Variants in CDH18 observed in about 807,000 individuals in gnomAD.
CDH18 encodes cadherin-18.
Under a neutral mutation model 67.9 loss-of-function variants are expected in CDH18, and 31 were observed. That is an observed-to-expected ratio of 0.46 (90% confidence interval 0.34 to 0.62). The LOEUF is 0.62. Among genes scored for constraint, CDH18 ranks in the 20% least tolerant of loss-of-function variants. The pLI, the probability that CDH18 is intolerant of heterozygous loss-of-function variation, is 0.01. For missense variants in CDH18, 890 were observed against 975.5 expected (o/e 0.91, Z 1.17); for synonymous variants, 362 against 347.2 (o/e 1.04, Z -0.48).
chr5:19,885,580 T>C (rs935351299), intron 2 of CDH18, among the ~76,000 whole-genome samples: 2 of 152,182 alleles, frequency 1.3e-5, no homozygotes, highest in Non-Finnish European at 2.9e-5. Context: ...ACAAGAGTTC[T>C]ACAGGGTCTT....
intron 1 of CDH18, among the ~76,000 whole-genome samples, chr5:20,299,792 A>G (rs1193379606): frequency 6.6e-6 from 1 of 150,590 alleles, no homozygotes; most frequent in Non-Finnish European, 1.5e-5. Context: ...TCAGAAGTGG[A>G]ATACTTGTGC....
intron 3 of CDH18, among the ~76,000 whole-genome samples, chr5:19,747,601 T>C (rs994346022): frequency 2.0e-5 from 3 of 151,926 alleles, no homozygotes; most frequent in African/African-American, 4.8e-5. Context: ...CTTGTGAAAA[T>C]AATATATTTG....
chr5:20,307,992 T>C (rs1736620488), intron 1 of CDH18, among the ~76,000 whole-genome samples: 1 of 152,010 alleles, frequency 6.6e-6, no homozygotes, highest in Non-Finnish European at 1.5e-5. Context: ...GTTAGCTAAA[T>C]TGTGTTTTTA....
At chr5:19,778,535 C>T (rs1263542663) in intron 3 of CDH18, among the ~76,000 whole-genome samples, 1 of 152,128 alleles carries the variant, frequency 6.6e-6, no homozygotes, top group Admixed American at 6.6e-5. Flanking sequence ...GATTTTATCT[C>T]TGTATCTCTG....
intron 2 of CDH18, among the ~76,000 whole-genome samples, chr5:20,175,407 G>A (rs1038358924): frequency 1.3e-5 from 2 of 152,046 alleles, no homozygotes; most frequent in African/African-American, 4.8e-5. Flanking sequence ...GGTTGATACT[G>A]TTACCTTTCC....
chr5:19,567,389 T>G (rs540194822), intron 8 of CDH18, among the ~76,000 whole-genome samples: 12 of 152,222 alleles, frequency 7.9e-5, no homozygotes, highest in African/African-American at 2.6e-4. Flanking sequence ...AAGACCGAAG[T>G]CAGGAAGCTT....
chr5:20,352,063 G>T (rs937412773), intron 1 of CDH18, among the ~76,000 whole-genome samples: 1 of 152,136 alleles, frequency 6.6e-6, no homozygotes. Context: ...CAAAAAATCT[G>T]CATCAATCAT....
At chr5:19,827,327 C>CA (rs70954605) in intron 3 of CDH18, among the ~76,000 whole-genome samples, 13,151 of 124,792 alleles carry the variant, frequency 0.11, 658 homozygotes, top group African/African-American at 0.15. Context: ...GTTATCAAGG[C>CA]AAAAAAAAAA....
At chr5:19,959,039 G>A (rs1032036812) in intron 2 of CDH18, among the ~76,000 whole-genome samples, 2 of 151,926 alleles carry the variant, frequency 1.3e-5, no homozygotes, top group East Asian at 1.9e-4. Context: ...AATGGTAAAC[G>A]TTTTTTAAAA....
At chr5:20,554,706 G>A (rs1353680215) in intron 1 of CDH18, among the ~76,000 whole-genome samples, 1 of 152,148 alleles carries the variant, frequency 6.6e-6, no homozygotes, top group Non-Finnish European at 1.5e-5. Context: ...ACTTTAATCT[G>A]GATAGGCTTG....
chr5:19,516,826 A>G (rs556811116), intron 10 of CDH18, among the ~76,000 whole-genome samples: 15 of 151,936 alleles, frequency 9.9e-5, no homozygotes, highest in Non-Finnish European at 2.1e-4. Context: ...GATTTTTTGA[A>G]GGTTTTTTGT....
chr5:20,155,315 G>A (rs184069192), intron 2 of CDH18, among the ~76,000 whole-genome samples: 1 of 152,150 alleles, frequency 6.6e-6, no homozygotes, highest in East Asian at 1.9e-4. Context: ...TGAAATACAC[G>A]TATTTTTTAA....
chr5:20,172,223 T>TATACATATATATATATAC, intron 2 of CDH18, among the ~76,000 whole-genome samples: 1 of 43,922 alleles, frequency 2.3e-5, no homozygotes, highest in South Asian at 7.5e-4. Flanking sequence ...TATATATATA[T>TATACATATATATATATAC]GTATATATAT....
At chr5:19,535,253 T>C (rs1167624591) in intron 9 of CDH18, among the ~76,000 whole-genome samples, 1 of 152,214 alleles carries the variant, frequency 6.6e-6, no homozygotes, top group African/African-American at 2.4e-5. Flanking sequence ...AGCATTTTGT[T>C]TGATTACTTT....
intron 4 of CDH18, among the ~76,000 whole-genome samples, chr5:19,727,377 C>T (rs1184608004): frequency 6.6e-6 from 1 of 152,040 alleles, no homozygotes; most frequent in African/African-American, 2.4e-5. Context: ...TATACACAGG[C>T]ATAACATCAT....
intron 2 of CDH18, among the ~76,000 whole-genome samples, chr5:20,070,462 C>T (rs936879653): frequency 1.3e-5 from 2 of 152,076 alleles, no homozygotes; most frequent in Non-Finnish European, 2.9e-5. Flanking sequence ...GTATGTTTGT[C>T]TCCAACTGGT....
At chr5:20,400,812 A>C (rs80062918) in intron 1 of CDH18, among the ~76,000 whole-genome samples, 13 of 152,170 alleles carry the variant, frequency 8.5e-5, no homozygotes, top group Non-Finnish European at 1.9e-4. Flanking sequence ...AATAAGTAAT[A>C]AGTAAATAAG....
At chr5:19,848,926 A>ATT (rs1783324334) in intron 2 of CDH18, among the ~76,000 whole-genome samples, 1 of 150,148 alleles carries the variant, frequency 6.7e-6, no homozygotes. Flanking sequence ...TATGGGCTAT[A>ATT]TTATATATAT....
rs1192358410 is a variant in CDH18 at position 20,172,212 on chromosome 5, A to ACATG, written c.-518+83231_-518+83232insCATG. On this transcript the variant is annotated intron_variant, in intron 2 of 14. Transcript: ENST00000507958. ...TGTGTATATATATATATATATATAT[A>ACATG]TATATATATATGTATATATATATAT... Among the ~76,000 whole-genome samples the ACATG allele has an allele frequency of 8.3e-4, 42 of 50,708 alleles. 1 individual carries two copies. The highest frequency in any genetic ancestry group is 3.4e-3 in the African/African-American group (39 of 11,608). 33.3% of individuals were successfully genotyped at this position (50,708 alleles called of 152,430 possible). A position where few individuals can be genotyped will look rare whatever the true frequency, so the allele number is the denominator to read the frequency against.
Sources: allele counts gnomAD v4.1 joint callset (sites outside exome capture counted in the v4.1 genomes callset), GRCh38; gene constraint gnomAD v4.1.1; transcripts MANE v1.5; gene names NCBI Gene and HGNC (gene_info 2026-07-23, HGNC 2026-07-21).